FOCAD: variants seen among roughly 807,000 people sequenced by gnomAD.
The protein encoded by FOCAD is focadhesin, also known as KIAA1797.
Under a neutral mutation model 225.6 loss-of-function variants are expected in FOCAD, and 198 were observed. The observed-to-expected ratio is 0.88, with a 90% CI of 0.78 to 0.99. FOCAD has a LOEUF of 0.99. Among genes scored for constraint, FOCAD ranks in the 50% least tolerant of loss-of-function variants. The pLI, the probability that FOCAD is intolerant of heterozygous loss-of-function variation, is 0.00. For synonymous variants in FOCAD, 897 were observed against 755.0 expected, an observed-to-expected ratio of 1.19 and a Z score of -3.08; for missense variants, 2,713 against 2,123.6, an observed-to-expected ratio of 1.28 and a Z score of -5.46.
rs1314220272 is a variant in FOCAD at position 20,990,236 on chromosome 9, T to G, written c.5118T>G (p.Asn1706Lys). ...SASWLPWHQE[N>K]GPAGPVPSFL... ...GTTGGTTGCCATGGCATCAGGAGAATGGCCCGGCTGGGCCAGTACCAAGCT... is the reference window on the plus strand; with the variant it reads ...GTTGGTTGCCATGGCATCAGGAGAAGGGCCCGGCTGGGCCAGTACCAAGCT... Residue 1706 changes from asparagine to lysine, a missense_variant, in exon 42 of 44, where the codon AAT becomes AAG. Transcript: ENST00000338382. The G allele has an allele frequency of 6.2e-7, 1 of 1,614,202 alleles. No homozygotes were observed. Among genetic ancestry groups the G allele is most frequent in the Admixed American group, 1.7e-5 (1 of 60,036 alleles).
In FOCAD at chr9:20,929,601, A is replaced by G. The variant is rs1835279665; in HGVS notation, c.3317+5A>G. ...CTTGTGTGAAGAGAAACTCAGGTAC[A>G]GTTTATTAAAATATTCCTGCTTTTC... On this transcript the variant is annotated splice_donor_5th_base_variant and intron_variant, in intron 27 of 43. Transcript: ENST00000338382. The G allele has an allele frequency of 6.2e-7, 1 of 1,610,552 alleles. No individual in the cohort carries two copies. Among genetic ancestry groups the G allele is most frequent in the African/African-American group, 1.3e-5 (1 of 74,874 alleles).
At chr9:20,770,996 A>G (rs944312530) in intron 8 of FOCAD, among the ~76,000 whole-genome samples, 4 of 152,204 alleles carry the variant, frequency 2.6e-5, no homozygotes, top group East Asian at 1.9e-4. Flanking sequence ...TTATAGTACA[A>G]TAAGAGAAAG....
chr9:20,657,539 T>C (rs375336837), upstream of FOCAD, among the ~76,000 whole-genome samples: 10 of 61,872 alleles, frequency 1.6e-4, no homozygotes, highest in South Asian at 1.8e-3. Flanking sequence ...CATCTTCCAT[T>C]GCTGATACCC....
chr9:20,733,512 C>T (rs1826884210), intron 4 of FOCAD, among the ~76,000 whole-genome samples: 1 of 152,150 alleles, frequency 6.6e-6, no homozygotes. Context: ...CCCACTCCCT[C>T]CATCCCACAA....
rs552768081 is a variant in FOCAD at position 20,944,666 on chromosome 9, C to T, written c.3447C>T (p.Leu1149=). The T allele has an allele frequency of 3.2e-5, 52 of 1,614,124 alleles. No individual in the cohort carries two copies. The South Asian group carries it at 5.1e-4, about 16-fold the overall frequency. Residue 1149 remains leucine, a synonymous_variant, in exon 29 of 44, where the codon CTC becomes CTT. Coordinates refer to ENST00000338382, the MANE Select transcript of FOCAD (RefSeq NM_001375567.1). Reference sequence around the variant, plus strand: ...TGGGAGTTGGACTTGTTCTGTCCCTCATGAGCCACAGCAGCCAAATGCAGT... The same window carrying T: ...TGGGAGTTGGACTTGTTCTGTCCCTTATGAGCCACAGCAGCCAAATGCAGT... The part of the protein sequence containing the change: ...CILGVGLVLS[L]MSHSSQMQSR...
At chr9:20,947,761 G>A (rs770095683) in intron 30 of FOCAD, among the ~76,000 whole-genome samples, 2 of 152,086 alleles carry the variant, frequency 1.3e-5, no homozygotes, top group Non-Finnish European at 2.9e-5. Flanking sequence ...TCTTAATATT[G>A]ATGATAATGG....
intron 27 of FOCAD, among the ~76,000 whole-genome samples, chr9:20,931,034 G>A (rs1305753384): frequency 6.6e-6 from 1 of 152,116 alleles, no homozygotes; most frequent in African/African-American, 2.4e-5. Flanking sequence ...TTTAATTCTA[G>A]GCAACTCATT....
intron 28 of FOCAD, among the ~76,000 whole-genome samples, chr9:20,943,646 C>A (rs1587684510): frequency 6.6e-6 from 1 of 152,036 alleles, no homozygotes; most frequent in East Asian, 1.9e-4. Context: ...GGGGTAGATG[C>A]TGTTTAAGAG....
Position 20,665,096 on chromosome 9 carries a change from A to G in FOCAD, c.-78+6270A>G, listed in dbSNP as rs538024018. Among the ~76,000 whole-genome samples the G allele has an allele frequency of 2.0e-5, 3 of 152,282 alleles. No individual in the cohort carries two copies. The East Asian group carries it at 5.8e-4, about 29-fold the overall frequency. On this transcript the variant is annotated intron_variant, in intron 2 of 45. Transcript: ENST00000380249. ...CTCCAGTATGGGGGTATTCTGCTAG[A>G]TTAAGTAGGCATGTTGATTGTTAAT...
At chr9:20,828,907 G>A (rs1587328641) in intron 15 of FOCAD, among the ~76,000 whole-genome samples, 3 of 151,992 alleles carry the variant, frequency 2.0e-5, no homozygotes, top group South Asian at 4.2e-4. Context: ...CTGTTCCTGC[G>A]TTAGTTTGCC....
At chr9:20,989,502 A>G (rs572622679) in intron 41 of FOCAD, among the ~76,000 whole-genome samples, 20 of 152,276 alleles carry the variant, frequency 1.3e-4, no homozygotes, top group Admixed American at 1.2e-3. Context: ...ATCTAAATGG[A>G]TAGATCCTGG....
Position 20,981,573 on chromosome 9 carries a change from G to T in FOCAD, c.4525G>T (p.Ala1509Ser), listed in dbSNP as rs772225318. The T allele has an allele frequency of 6.2e-7, 1 of 1,614,046 alleles. No individual in the cohort carries two copies. The highest frequency in any genetic ancestry group is 8.5e-7 in the Non-Finnish European group (1 of 1,179,996). Residue 1509 changes from alanine to serine, a missense_variant, in exon 38 of 44, where the codon GCT (alanine) becomes TCT (serine). Coordinates refer to ENST00000338382, the MANE Select transcript of FOCAD (RefSeq NM_001375567.1). Reference protein sequence around the residue: ...PLGSPELCPSALHGLSQAMKL... With the variant: ...PLGSPELCPSSLHGLSQAMKL... ...TGGAAGTCCTGAGCTATGCCCAAGT[G>T]CTTTACACGGTCTGAGCCAGGCCAT...
intron 1 of FOCAD, among the ~76,000 whole-genome samples, chr9:20,707,532 A>G (rs955836448): frequency 1.3e-5 from 2 of 152,206 alleles, no homozygotes; most frequent in African/African-American, 4.8e-5. Flanking sequence ...GTTGATTCGT[A>G]CACATTTTAT....
rs1467454646 is a variant in FOCAD, at chr9:20,941,048, A to G, written c.3408-3579A>G. 1.3e-5 allele frequency among the ~76,000 whole-genome samples: 2 copies of G among 152,018 alleles called. 1 individual carries two copies. Among genetic ancestry groups the G allele is most frequent in the Non-Finnish European group, 2.9e-5 (2 of 68,016 alleles). On this transcript the variant is annotated intron_variant, in intron 28 of 43. Transcript: ENST00000338382. Reference sequence around the variant, plus strand: ...CATGATTTAAAGTATTCCCTTATCTAATGAGATTTCAGGAGTCTAGGGCAA... The same window carrying G: ...CATGATTTAAAGTATTCCCTTATCTGATGAGATTTCAGGAGTCTAGGGCAA...
intron 5 of FOCAD, among the ~76,000 whole-genome samples, chr9:20,755,374 G>A (rs1828954762): frequency 6.6e-6 from 1 of 152,188 alleles, no homozygotes; most frequent in African/African-American, 2.4e-5. Context: ...ATGCAACAAA[G>A]CTGGAGTGGC....
At position 20,933,123 on chromosome 9, in the gene FOCAD, A is replaced by T; in HGVS notation, c.3407+20A>T. 6.4e-7 allele frequency: 1 copy of T among 1,558,678 alleles called. No individual in the cohort carries two copies. Among genetic ancestry groups the T allele is most frequent in the Non-Finnish European group, 8.8e-7 (1 of 1,130,238 alleles). ...ATACAAGTATGTTGTTCCTATTTCC[A>T]CTCTCACAGGTACTTAGACATTGCT... On this transcript the variant is annotated intron_variant, in intron 28 of 43. Coordinates refer to ENST00000338382, the MANE Select transcript of FOCAD (RefSeq NM_001375567.1).
intron 42 of FOCAD, among the ~76,000 whole-genome samples, chr9:20,992,106 C>G (rs577041243): frequency 7.2e-5 from 11 of 152,146 alleles, no homozygotes; most frequent in African/African-American, 2.7e-4. Context: ...TGCCTATTAC[C>G]TATCACCAAT....
intron 15 of FOCAD, among the ~76,000 whole-genome samples, chr9:20,831,022 C>T (rs1470372709): frequency 6.6e-6 from 1 of 152,010 alleles, no homozygotes; most frequent in African/African-American, 2.4e-5. Context: ...ATTTTATTGA[C>T]TAGGGATCTT....
intron 15 of FOCAD, among the ~76,000 whole-genome samples, chr9:20,830,957 C>T (rs550694518): frequency 6.6e-6 from 1 of 152,064 alleles, no homozygotes; most frequent in Non-Finnish European, 1.5e-5. Context: ...AGATTATAGG[C>T]ATGATAATCT....
Sources: gnomAD v4.1 joint callset for allele counts (sites outside exome capture counted in the v4.1 genomes callset) on GRCh38, gnomAD v4.1.1 for gene constraint, MANE v1.5 for transcripts, NCBI Gene and HGNC (gene_info 2026-07-23, HGNC 2026-07-21) for gene names.